PABPC4L: variants seen among roughly 807,000 people sequenced by gnomAD.
PABPC4L encodes the protein poly(A) binding protein cytoplasmic 4 like, also known as polyadenylate-binding protein 4-like.
For missense variants in PABPC4L, 452 were observed against 451.4 expected, an observed-to-expected ratio of 1.00 and a Z score of -0.01; for synonymous variants, 169 against 164.1, an observed-to-expected ratio of 1.03 and a Z score of -0.23.
the PABPC4L span, among the ~76,000 whole-genome samples, chr4:134,049,790 G>C: frequency 6.6e-6 from 1 of 152,138 alleles, no homozygotes; most frequent in Non-Finnish European, 1.5e-5. Flanking sequence ...TCAACATGCT[G>C]TCCCATATCA....
chr4:134,067,981 A>C, the PABPC4L span, among the ~76,000 whole-genome samples: 1 of 152,164 alleles, frequency 6.6e-6, no homozygotes, highest in African/African-American at 2.4e-5. Flanking sequence ...CAGATAATAA[A>C]AAATGTATAT....
chr4:134,055,902 A>G, the PABPC4L span, among the ~76,000 whole-genome samples: 4 of 151,938 alleles, frequency 2.6e-5, no homozygotes, highest in African/African-American at 9.7e-5. Context: ...CTAGCCCTAG[A>G]TTATGAAGAC....
the PABPC4L span, among the ~76,000 whole-genome samples, chr4:134,013,110 C>A: frequency 6.6e-6 from 1 of 152,076 alleles, no homozygotes; most frequent in South Asian, 2.1e-4. Context: ...GGCAAGAACC[C>A]CAACCCCTTC....
the PABPC4L span, among the ~76,000 whole-genome samples, chr4:134,056,311 T>C: frequency 2.6e-5 from 4 of 152,014 alleles, no homozygotes; most frequent in African/African-American, 7.2e-5. Context: ...ATTGTTTTAG[T>C]AATTTTAGAT....
the PABPC4L span, among the ~76,000 whole-genome samples, chr4:134,179,944 T>C: frequency 2.0e-5 from 3 of 152,060 alleles, no homozygotes; most frequent in Admixed American, 1.3e-4. Context: ...TGTGGGATAC[T>C]TTAACACATT....
the PABPC4L span, among the ~76,000 whole-genome samples, chr4:134,122,819 G>T: frequency 6.6e-6 from 1 of 151,650 alleles, no homozygotes; most frequent in Non-Finnish European, 1.5e-5. Flanking sequence ...TTCTACTTAT[G>T]TATTGATGAT....
At chr4:134,099,906 G>C in the PABPC4L span, among the ~76,000 whole-genome samples, 2 of 151,662 alleles carry the variant, frequency 1.3e-5, no homozygotes, top group Non-Finnish European at 3.0e-5. Flanking sequence ...ACATCTGCAG[G>C]CATCATTCTG....
the PABPC4L span, among the ~76,000 whole-genome samples, chr4:134,138,843 A>T: frequency 6.6e-6 from 1 of 151,988 alleles, no homozygotes; most frequent in South Asian, 2.1e-4. Flanking sequence ...TTTCTGAATC[A>T]GCTTTGTGCT....
At chr4:134,121,731 C>A in the PABPC4L span, among the ~76,000 whole-genome samples, 1 of 151,660 alleles carries the variant, frequency 6.6e-6, no homozygotes, top group Admixed American at 6.6e-5. Context: ...AGTTAGAATT[C>A]AACAATTTCC....
At chr4:133,956,258 T>C in the PABPC4L span, among the ~76,000 whole-genome samples, 1 of 152,194 alleles carries the variant, frequency 6.6e-6, no homozygotes, top group Non-Finnish European at 1.5e-5. Flanking sequence ...TAATTATAAT[T>C]AGTATGGTTC....
At chr4:134,166,495 T>G in the PABPC4L span, among the ~76,000 whole-genome samples, 1 of 152,094 alleles carries the variant, frequency 6.6e-6, no homozygotes, top group South Asian at 2.1e-4. Flanking sequence ...CCTGGCTCTG[T>G]TGCCTATGAG....
chr4:134,150,295 G>T, the PABPC4L span, among the ~76,000 whole-genome samples: 1 of 152,008 alleles, frequency 6.6e-6, no homozygotes, highest in African/African-American at 2.4e-5. Flanking sequence ...TGTTGGCCAG[G>T]CTGGTCTCAA....
At chr4:134,035,003 A>T in the PABPC4L span, among the ~76,000 whole-genome samples, 1 of 50,758 alleles carries the variant, frequency 2.0e-5, no homozygotes, top group South Asian at 6.0e-4. Context: ...GTTGATGTGG[A>T]AAACTTTATT....
At chr4:134,160,002 G>T in the PABPC4L span, among the ~76,000 whole-genome samples, 1 of 152,134 alleles carries the variant, frequency 6.6e-6, no homozygotes, top group Non-Finnish European at 1.5e-5. Context: ...CCTGCATGGT[G>T]TTTATAGACC....
the PABPC4L span, among the ~76,000 whole-genome samples, chr4:133,988,197 C>A: frequency 6.6e-6 from 1 of 152,148 alleles, no homozygotes; most frequent in Non-Finnish European, 1.5e-5. Flanking sequence ...TAACCCCTCC[C>A]AAATATTATG....
At chr4:133,970,540 A>C in the PABPC4L span, among the ~76,000 whole-genome samples, 1 of 152,186 alleles carries the variant, frequency 6.6e-6, no homozygotes, top group Non-Finnish European at 1.5e-5. Flanking sequence ...CTAGTTAAAA[A>C]TGTTATTTTT....
chr4:134,129,260 A>T, the PABPC4L span, among the ~76,000 whole-genome samples: 10 of 152,172 alleles, frequency 6.6e-5, no homozygotes, highest in Non-Finnish European at 2.9e-5. Context: ...AGCTCTGGAC[A>T]GGTCATCAAG....
the PABPC4L span, among the ~76,000 whole-genome samples, chr4:133,968,600 A>G: frequency 3.3e-5 from 5 of 152,324 alleles, no homozygotes; most frequent in African/African-American, 1.2e-4. Flanking sequence ...AATACAAAAA[A>G]CAAAAAATGG....
At chr4:134,116,737 T>C in the PABPC4L span, among the ~76,000 whole-genome samples, 1 of 151,738 alleles carries the variant, frequency 6.6e-6, no homozygotes, top group Non-Finnish European at 1.5e-5. Context: ...AAATTTATGT[T>C]CCAATTAAGA....
Sources: gnomAD v4.1 joint callset for allele counts (sites outside exome capture counted in the v4.1 genomes callset) on GRCh38, gnomAD v4.1.1 for gene constraint, MANE v1.5 for transcripts, NCBI Gene and HGNC (gene_info 2026-07-23, HGNC 2026-07-21) for gene names.